LRP1B: variants seen among roughly 807,000 people sequenced by gnomAD.
LRP1B encodes the protein low-density lipoprotein receptor-related protein 1B.
LRP1B carries 217 observed loss-of-function variants against 556.6 expected under a neutral mutation model. That is an observed-to-expected ratio of 0.39 (90% CI 0.35 to 0.44). LRP1B has a LOEUF of 0.44. Ranked by LOEUF, LRP1B falls within the 20% of genes least tolerant of loss-of-function variation. LRP1B has a pLI of 1.00. For synonymous variants in LRP1B, 2,047 were observed against 1,865.8 expected (o/e 1.10, Z -2.50); for missense variants, 5,053 against 5,620.8 (o/e 0.90, Z 3.23).
At chr2:141,039,810 C>T (rs1698643172) in intron 11 of LRP1B, among the ~76,000 whole-genome samples, 2 of 151,986 alleles carry the variant, frequency 1.3e-5, no homozygotes, top group South Asian at 2.1e-4. Context: ...TTAATCTTCT[C>T]GTATGCATGT....
At chr2:140,667,640 C>T (rs1232764271) in intron 41 of LRP1B, among the ~76,000 whole-genome samples, 4 of 152,152 alleles carry the variant, frequency 2.6e-5, no homozygotes, top group Non-Finnish European at 5.9e-5. Context: ...TTTTTCCCTC[C>T]AGTACATAAC....
intron 41 of LRP1B, among the ~76,000 whole-genome samples, chr2:140,659,561 T>C (rs1249723213): frequency 6.6e-6 from 1 of 152,018 alleles, no homozygotes; most frequent in Non-Finnish European, 1.5e-5. Flanking sequence ...TTCAGTGGAC[T>C]TATATTCAAA....
intron 84 of LRP1B, among the ~76,000 whole-genome samples, chr2:140,284,211 C>T (rs987615050): frequency 6.6e-6 from 1 of 151,542 alleles, no homozygotes; most frequent in Non-Finnish European, 1.5e-5. Context: ...CTCCAGAGTG[C>T]TTAAATTCTG....
chr2:141,101,002 G>A (rs902318253), intron 7 of LRP1B, among the ~76,000 whole-genome samples: 1 of 151,960 alleles, frequency 6.6e-6, no homozygotes, highest in Non-Finnish European at 1.5e-5. Flanking sequence ...GGTAAGAGGG[G>A]GTAGACAAAA....
rs1385253339 is a variant in LRP1B, at chr2:140,771,011, A to T, written c.5501-5T>A. Reference sequence around the variant, plus strand: ...TTAGTTGGCAGGAATTGCTGCCTGCATAGAATGAAAATGAAACAAATTTCT... The same window carrying T: ...TTAGTTGGCAGGAATTGCTGCCTGCTTAGAATGAAAATGAAACAAATTTCT... On this transcript the variant is annotated splice_region_variant and splice_polypyrimidine_tract_variant and intron_variant, in intron 33 of 90. Transcript: ENST00000389484. 24 of 1,561,676 alleles carry T rather than the reference A, an allele frequency of 1.5e-5. No homozygotes were observed. The highest frequency in any genetic ancestry group is 1.9e-5 in the Non-Finnish European group (22 of 1,163,026).
At chr2:141,978,684 G>A (rs1701956978) in intron 1 of LRP1B, among the ~76,000 whole-genome samples, 2 of 151,922 alleles carry the variant, frequency 1.3e-5, no homozygotes, top group South Asian at 4.1e-4. Flanking sequence ...ATGAGACTGT[G>A]TGGAATATAA....
At chr2:141,392,388 T>C (rs1473537605) in intron 3 of LRP1B, among the ~76,000 whole-genome samples, 1 of 136,952 alleles carries the variant, frequency 7.3e-6, no homozygotes, top group Non-Finnish European at 1.5e-5. Flanking sequence ...ATGCATGTGG[T>C]AAAAAAACAA....
At chr2:141,289,381 C>CAAAAAAAAAAAAA (rs34784985) in intron 3 of LRP1B, among the ~76,000 whole-genome samples, 1 of 43,468 alleles carries the variant, frequency 2.3e-5, no homozygotes, top group Non-Finnish European at 4.1e-5. Flanking sequence ...GACTCCATCT[C>CAAAAAAAAAAAAA]AAAAAAAAAA....
intron 31 of LRP1B, among the ~76,000 whole-genome samples, chr2:140,829,008 T>C (rs1012987341): frequency 4.6e-5 from 7 of 151,966 alleles, no homozygotes; most frequent in African/African-American, 1.7e-4. Context: ...AAACAGACTT[T>C]AAATCAAACT....
chr2:141,462,578 C>T (rs745568920), intron 3 of LRP1B, among the ~76,000 whole-genome samples: 1 of 152,018 alleles, frequency 6.6e-6, no homozygotes, highest in Non-Finnish European at 1.5e-5. Context: ...GATTGATAGA[C>T]ATAGCAAACA....
chr2:141,623,395 A>T (rs574409117), intron 2 of LRP1B, among the ~76,000 whole-genome samples: 1 of 152,306 alleles, frequency 6.6e-6, no homozygotes, highest in East Asian at 1.9e-4. Flanking sequence ...TTCCTTTCTT[A>T]CTATTTTGAC....
At chr2:140,478,930 A>G (rs1688098689) in intron 59 of LRP1B, among the ~76,000 whole-genome samples, 1 of 152,162 alleles carries the variant, frequency 6.6e-6, no homozygotes, top group South Asian at 2.1e-4. Context: ...TTAGTTTAGT[A>G]ATACTCTCCT....
intron 3 of LRP1B, among the ~76,000 whole-genome samples, chr2:141,305,829 C>T (rs942834891): frequency 3.3e-5 from 5 of 152,124 alleles, no homozygotes; most frequent in Admixed American, 2.0e-4. Flanking sequence ...TTTCTTCCTG[C>T]ATCTATTTAG....
At chr2:140,635,768 T>A (rs1684051477) in intron 41 of LRP1B, among the ~76,000 whole-genome samples, 1 of 152,026 alleles carries the variant, frequency 6.6e-6, no homozygotes, top group Non-Finnish European at 1.5e-5. Flanking sequence ...AAAGATGAGG[T>A]GTACATTTTA....
chr2:140,849,980 C>G, intron 29 of LRP1B, 122 bp downstream of exon 29: 1 of 655,300 alleles, frequency 1.5e-6, no homozygotes. Context: ...AATCTCTAAT[C>G]AATTCTAACT....
At chr2:141,736,708 G>GCAGATGAT (rs1375333320) in intron 2 of LRP1B, among the ~76,000 whole-genome samples, 1 of 152,166 alleles carries the variant, frequency 6.6e-6, no homozygotes, top group Non-Finnish European at 1.5e-5. Context: ...GCAGAGATAA[G>GCAGATGAT]CAGATGATCA....
intron 1 of LRP1B, among the ~76,000 whole-genome samples, chr2:142,079,918 C>T (rs180884822): frequency 1.3e-4 from 20 of 152,246 alleles, no homozygotes; most frequent in African/African-American, 4.8e-4. Context: ...AATAATCAGC[C>T]ATCCTGTCTA....
At chr2:141,415,551 T>C (rs1231389721) in intron 3 of LRP1B, among the ~76,000 whole-genome samples, 1 of 152,176 alleles carries the variant, frequency 6.6e-6, no homozygotes, top group Non-Finnish European at 1.5e-5. Flanking sequence ...TGTCAGAGCA[T>C]GATGGATTAT....
intron 3 of LRP1B, among the ~76,000 whole-genome samples, chr2:141,462,362 T>C (rs939831236): frequency 6.6e-6 from 1 of 152,166 alleles, no homozygotes; most frequent in South Asian, 2.1e-4. Context: ...CTAATCTTAG[T>C]TCAAATACAT....
Sources: allele counts gnomAD v4.1 joint callset (sites outside exome capture counted in the v4.1 genomes callset), GRCh38; gene constraint gnomAD v4.1.1; transcripts MANE v1.5; gene names NCBI Gene and HGNC (gene_info 2026-07-23, HGNC 2026-07-21).